Variants in BBOX1 observed in about 807,000 individuals in gnomAD.
BBOX1 encodes the protein gamma-butyrobetaine hydroxylase 1.
Under a neutral mutation model 41.6 loss-of-function variants are expected in BBOX1, and 35 were observed. The ratio of observed to expected loss-of-function variants is 0.84; its 90% confidence interval spans 0.64 to 1.11. The LOEUF (loss-of-function observed/expected upper bound fraction) is 1.11. Ranked by LOEUF, BBOX1 falls within the 50% of genes most tolerant of loss-of-function variation. The pLI, the probability that BBOX1 is intolerant of heterozygous loss-of-function variation, is 0.00. For synonymous variants in BBOX1, 163 were observed against 154.7 expected, an observed-to-expected ratio of 1.05 and a Z score of -0.40; for missense variants, 458 against 460.6, an observed-to-expected ratio of 0.99 and a Z score of 0.05.
chr11:27,109,157 T>C (rs1431763729), intron 5 of BBOX1, among the ~76,000 whole-genome samples: 1 of 152,036 alleles, frequency 6.6e-6, no homozygotes, highest in Non-Finnish European at 1.5e-5. Context: ...ACCATCTTCA[T>C]AAAACACCTA....
chr11:27,083,130 T>C (rs1284045483), intron 4 of BBOX1, among the ~76,000 whole-genome samples: 1 of 152,122 alleles, frequency 6.6e-6, no homozygotes, highest in African/African-American at 2.4e-5. Context: ...CTTCATCTTT[T>C]AAAATAGAAA....
intron 4 of BBOX1, among the ~76,000 whole-genome samples, chr11:27,090,875 G>A (rs990295921): frequency 4.0e-5 from 6 of 151,788 alleles, no homozygotes; most frequent in Admixed American, 1.3e-4. Context: ...AGAATTTAGC[G>A]ATCTCTTCCC....
At chr11:27,105,471 T>C (rs889448070) in intron 5 of BBOX1, among the ~76,000 whole-genome samples, 4 of 152,100 alleles carry the variant, frequency 2.6e-5, no homozygotes, top group Admixed American at 2.0e-4. Context: ...GCAAATTCGA[T>C]CAACTGGAAG....
chr11:27,048,765 T>TA (rs967373856), intron 2 of BBOX1, among the ~76,000 whole-genome samples: 8 of 150,930 alleles, frequency 5.3e-5, no homozygotes, highest in Non-Finnish European at 1.2e-4. Context: ...TTTTTTTTTT[T>TA]TATACTTTAA....
chr11:27,091,545 T>C (rs1321241383), intron 4 of BBOX1, among the ~76,000 whole-genome samples: 2 of 151,972 alleles, frequency 1.3e-5, no homozygotes, highest in African/African-American at 4.8e-5. Flanking sequence ...TAATAAAACA[T>C]GGCCCATGTG....
In BBOX1 at chr11:27,041,265, AC is replaced by A. The variant is rs1317730534; in HGVS notation, c.-251del. Reference sequence around the variant, plus strand: ...CTCCAAGCTCCCTTCAGTAGTTGCTACACCTTCAGATTGAGACATCCTTCCT... The same window carrying A: ...CTCCAAGCTCCCTTCAGTAGTTGCTAACCTTCAGATTGAGACATCCTTCCT... On this transcript the variant is annotated 5_prime_UTR_variant, in exon 2 of 9. Transcript: ENST00000263182. 1 of 151,086 alleles carries A rather than the reference AC, an allele frequency of 6.6e-6. No homozygotes were observed. The highest frequency in any genetic ancestry group is 2.0e-4 in the East Asian group (1 of 5,128). The allele number at this position is 151,086 out of a possible 1,614,324, so 9.4% of individuals were successfully genotyped here.
At chr11:27,056,636 C>T (rs1461610116) in intron 3 of BBOX1, among the ~76,000 whole-genome samples, 2 of 152,094 alleles carry the variant, frequency 1.3e-5, no homozygotes, top group Non-Finnish European at 1.5e-5. Context: ...TTTGGGGATC[C>T]CAGGTTTAGA....
At chr11:27,056,832 C>A (rs1330156136) in intron 3 of BBOX1, among the ~76,000 whole-genome samples, 2 of 151,600 alleles carry the variant, frequency 1.3e-5, no homozygotes, top group Non-Finnish European at 2.9e-5. Flanking sequence ...CTTTGGGAGG[C>A]TGAGGCGGGC....
intron 7 of BBOX1, among the ~76,000 whole-genome samples, 192 bp from the exon 8 acceptor site, chr11:27,125,461 GA>G (rs201184146): frequency 0.033 from 5,055 of 150,984 alleles, 128 homozygotes; most frequent in South Asian, 0.11. Flanking sequence ...GTAAGATTTA[GA>G]AAAAAAATCT....
intron 6 of BBOX1, among the ~76,000 whole-genome samples, chr11:27,117,356 T>C (rs1859305638): frequency 6.6e-6 from 1 of 152,062 alleles, no homozygotes; most frequent in Non-Finnish European, 1.5e-5. Context: ...TATTTAACTT[T>C]ACATGTTATA....
intron 5 of BBOX1, among the ~76,000 whole-genome samples, chr11:27,095,134 A>C (rs1235820605): frequency 6.6e-6 from 1 of 151,992 alleles, no homozygotes. Context: ...AATAATATGA[A>C]GAAAGCACAT....
In BBOX1 at chr11:27,045,915, T is replaced by C. The variant is rs1480064319; in HGVS notation, c.-39+4437T>C. On this transcript the variant is annotated intron_variant, in intron 2 of 8. Coordinates refer to ENST00000263182, the MANE Select transcript of BBOX1 (RefSeq NM_003986.3). ...TGTGAATTCCCTCCAAAGCCTATGA[T>C]TGAAATTAGTTGTAAGTAATGTTTG... Among the ~76,000 whole-genome samples the C allele has an allele frequency of 9.2e-5, 14 of 152,220 alleles. 1 individual carries two copies.
chr11:27,045,057 A>G (rs1305971606), intron 2 of BBOX1, among the ~76,000 whole-genome samples: 1 of 152,202 alleles, frequency 6.6e-6, no homozygotes, highest in Admixed American at 6.5e-5. Flanking sequence ...CTTCCTATCT[A>G]TAAGCATGGA....
At position 27,076,273 on chromosome 11, in the gene BBOX1, G is replaced by A. The variant is rs567477840; in HGVS notation, c.335-16895G>A. Among the ~76,000 whole-genome samples the A allele has an allele frequency of 4.6e-5, 7 of 152,294 alleles. No individual in the cohort carries two copies. The East Asian group carries it at 1.2e-3, about 25-fold the overall frequency. On this transcript the variant is annotated intron_variant, in intron 4 of 8. Coordinates refer to ENST00000263182, the MANE Select transcript of BBOX1 (RefSeq NM_003986.3). ...AGCACTAGCTCTGGTGGAGATGTCA[G>A]GGGAGTGACGTAGACCCTATAAAGT...
intron 7 of BBOX1, 146 bp downstream of exon 7, chr11:27,119,991 T>C (rs976039104): frequency 2.4e-5 from 12 of 506,322 alleles, no homozygotes; most frequent in Non-Finnish European, 3.6e-5. Context: ...AGTGATAGTA[T>C]TTTCACCATA....
rs554855853 is a variant in BBOX1 at position 27,127,482 on chromosome 11, T to C, written c.*29T>C. ...CACCTGTAGATAATTTTAATAAGAT[T>C]CCAATGACCATATTTTGTGAGATAT... is the stretch of plus-strand genomic sequence containing the variant. On this transcript the variant is annotated 3_prime_UTR_variant, in exon 9 of 9. Transcript: ENST00000263182. The C allele has an allele frequency of 2.2e-5, 35 of 1,580,180 alleles. No individual in the cohort carries two copies. The African/African-American group carries it at 4.4e-4, about 20-fold the overall frequency.
At chr11:27,090,409 G>A (rs960942515) in intron 4 of BBOX1, among the ~76,000 whole-genome samples, 6 of 151,848 alleles carry the variant, frequency 4.0e-5, no homozygotes, top group Non-Finnish European at 5.9e-5. Context: ...GGGTGGGGGT[G>A]TAAGAACAGG....
intron 4 of BBOX1, among the ~76,000 whole-genome samples, chr11:27,086,699 A>C (rs1008160070): frequency 1.3e-5 from 2 of 152,144 alleles, no homozygotes; most frequent in African/African-American, 4.8e-5. Flanking sequence ...TTTAAGAAAC[A>C]CACATTTTAT....
Position 27,110,807 on chromosome 11 carries a change from A to G in BBOX1, c.534-4645A>G, listed in dbSNP as rs189046601. Among the ~76,000 whole-genome samples the G allele has an allele frequency of 1.9e-4, 29 of 152,062 alleles. No individual in the cohort carries two copies. In the East Asian group the frequency reaches 5.4e-3, roughly 28 times the overall value. ...CTGATGCTAAATCAATGACTGAAAT[A>G]GGTGTTCAGTGTTTATTTATTCAAA... On this transcript the variant is annotated intron_variant, in intron 5 of 8. Transcript: ENST00000263182.
Sources: gnomAD v4.1 joint callset for allele counts (sites outside exome capture counted in the v4.1 genomes callset) on GRCh38, gnomAD v4.1.1 for gene constraint, MANE v1.5 for transcripts, NCBI Gene and HGNC (gene_info 2026-07-23, HGNC 2026-07-21) for gene names.